The following MSH3 variants were observed in gnomAD, a reference collection of about 807,000 sequenced individuals.
MSH3 encodes the protein DNA mismatch repair protein Msh3.
A neutral mutation model predicts 123.3 loss-of-function variants in MSH3; 106 were observed. That is an observed-to-expected ratio of 0.86 (90% CI 0.73 to 1.01). The LOEUF (loss-of-function observed/expected upper bound fraction) is 1.01. Ranked by LOEUF, MSH3 falls within the 50% of genes least tolerant of loss-of-function variation. The pLI is 0.00. For synonymous variants in MSH3, 515 were observed against 481.4 expected, an observed-to-expected ratio of 1.07 and a Z score of -0.91; for missense variants, 1,459 against 1,347.6, an observed-to-expected ratio of 1.08 and a Z score of -1.29.
rs1580546641 is a variant in MSH3 at position 80,665,232 on chromosome 5, A to G, written c.448A>G (p.Arg150Gly). Residue 150 changes from arginine (R) to glycine (G), a missense_variant, in exon 3 of 24, where the codon AGA (arginine) becomes GGA (glycine). Coordinates refer to ENST00000265081, the MANE Select transcript of MSH3 (RefSeq NM_002439.5). ...CTGCGATTCTGCCCTTCCTCAAAGT[A>G]GAGTCCAGACAGAATCTCTGCAGGA... ...FCCDSALPQS[R>G]VQTESLQERF... The G allele has an allele frequency of 1.9e-6, 3 of 1,614,146 alleles. No homozygotes were observed. The highest frequency in any genetic ancestry group is 2.2e-5 in the East Asian group (1 of 44,878).
At chr5:80,748,159 A>G (rs1481037840) in intron 12 of MSH3, among the ~76,000 whole-genome samples, 2 of 152,166 alleles carry the variant, frequency 1.3e-5, no homozygotes, top group Non-Finnish European at 1.5e-5. Context: ...GTTCTGCAAG[A>G]TCCCATTGTT....
At chr5:80,661,559 A>T (rs1749434649) in intron 2 of MSH3, among the ~76,000 whole-genome samples, 1 of 140,302 alleles carries the variant, frequency 7.1e-6, no homozygotes, top group Non-Finnish European at 1.6e-5. Flanking sequence ...GCTAAAAAAA[A>T]TTCCTTTTGC....
At chr5:80,710,155 A>T (rs1012271082) in intron 8 of MSH3, among the ~76,000 whole-genome samples, 3 of 152,190 alleles carry the variant, frequency 2.0e-5, no homozygotes, top group Non-Finnish European at 2.9e-5. Flanking sequence ...ATCCTCATAA[A>T]CACCCTTGTG....
chr5:80,736,922 A>G (rs1252756306), intron 10 of MSH3, among the ~76,000 whole-genome samples: 1 of 152,132 alleles, frequency 6.6e-6, no homozygotes, highest in Non-Finnish European at 1.5e-5. Context: ...CTTTCACTGT[A>G]GTAAGTCATA....
intron 15 of MSH3, among the ~76,000 whole-genome samples, chr5:80,774,006 A>G (rs187694123): frequency 1.3e-5 from 2 of 152,142 alleles, no homozygotes; most frequent in African/African-American, 4.8e-5. Flanking sequence ...GACCTCAGGT[A>G]ATCTGTCCGC....
At chr5:80,869,785 TACATATATAC>T (rs1326006559) in intron 22 of MSH3, among the ~76,000 whole-genome samples, 2 of 139,666 alleles carry the variant, frequency 1.4e-5, no homozygotes, top group African/African-American at 5.5e-5. Context: ...TATATATGTA[TACATATATAC>T]ATATATATAC....
chr5:80,851,950 C>T (rs759666381), intron 20 of MSH3, among the ~76,000 whole-genome samples: 1 of 152,134 alleles, frequency 6.6e-6, no homozygotes, highest in Non-Finnish European at 1.5e-5. Flanking sequence ...TCTTACAATT[C>T]TTGACATTTC....
intron 20 of MSH3, among the ~76,000 whole-genome samples, chr5:80,841,779 A>G (rs1410354288): frequency 6.6e-6 from 1 of 151,912 alleles, no homozygotes; most frequent in African/African-American, 2.4e-5. Context: ...AAATTTGTTT[A>G]AGTTCTTTGT....
intron 10 of MSH3, among the ~76,000 whole-genome samples, chr5:80,740,970 C>T (rs1036089724): frequency 6.6e-6 from 1 of 152,116 alleles, no homozygotes; most frequent in Non-Finnish European, 1.5e-5. Flanking sequence ...CCTGCCTCAG[C>T]CTCCCAAAGT....
intron 20 of MSH3, among the ~76,000 whole-genome samples, chr5:80,844,621 T>A (rs1745686607): frequency 6.6e-6 from 1 of 152,210 alleles, no homozygotes; most frequent in Non-Finnish European, 1.5e-5. Context: ...AGTTAAGTCT[T>A]CCTGTTGAAT....
intron 11 of MSH3, among the ~76,000 whole-genome samples, chr5:80,744,305 A>G (rs1013485486): frequency 2.4e-4 from 36 of 152,228 alleles, no homozygotes; most frequent in African/African-American, 8.7e-4. Context: ...GTAACCAAAA[A>G]CTATAAACGA....
chr5:80,842,879 A>T (rs948796122), intron 20 of MSH3, among the ~76,000 whole-genome samples: 1 of 152,110 alleles, frequency 6.6e-6, no homozygotes, highest in South Asian at 2.1e-4. Context: ...CTCTTTTCCT[A>T]ACTGAATACC....
chr5:80,691,212 A>G (rs1561443997), intron 8 of MSH3, among the ~76,000 whole-genome samples: 1 of 152,070 alleles, frequency 6.6e-6, no homozygotes, highest in Non-Finnish European at 1.5e-5. Flanking sequence ...TCTAGAAGTG[A>G]CAAATTATCA....
chr5:80,763,646 G>T (rs767889596), intron 13 of MSH3, among the ~76,000 whole-genome samples: 1 of 152,194 alleles, frequency 6.6e-6, no homozygotes, highest in Non-Finnish European at 1.5e-5. Flanking sequence ...GAAAACAGAA[G>T]CAAAGCTGAA....
chr5:80,670,108 T>G lies in MSH3; in HGVS notation c.591T>G (p.Leu197=), dbSNP rs1028335967. ...KRQINQKDTT[L]FDLSQFGSSN... ...CTTTTGGTTGCCAGGACACAACACT[T>G]TTTGATCTCAGTCAGTTTGGATCAT... Residue 197 remains leucine, a synonymous_variant, in exon 4 of 24, where the codon CTT becomes CTG. Transcript: ENST00000265081. 2 of 1,614,124 alleles carry G rather than the reference T, an allele frequency of 1.2e-6. No individual in the cohort carries two copies. Among genetic ancestry groups the G allele is most frequent in the African/African-American group, 2.7e-5 (2 of 75,054 alleles).
chr5:80,812,330 C>A (rs1350718941), intron 19 of MSH3, among the ~76,000 whole-genome samples: 1 of 152,104 alleles, frequency 6.6e-6, no homozygotes, highest in Non-Finnish European at 1.5e-5. Context: ...TTTTGTCTAT[C>A]TTTTCTTCCT....
intron 21 of MSH3, among the ~76,000 whole-genome samples, chr5:80,864,269 A>C (rs1488123686): frequency 6.6e-6 from 1 of 152,208 alleles, no homozygotes; most frequent in Middle Eastern, 3.2e-3. Flanking sequence ...GTTTGGAGGA[A>C]ATAGCAAAGT....
intron 10 of MSH3, among the ~76,000 whole-genome samples, chr5:80,732,211 T>G (rs1561459158): frequency 6.6e-6 from 1 of 152,154 alleles, no homozygotes; most frequent in Non-Finnish European, 1.5e-5. Context: ...ATGCCTAAAT[T>G]TATGAAATTC....
intron 20 of MSH3, among the ~76,000 whole-genome samples, chr5:80,834,535 A>G (rs1745475688): frequency 6.7e-6 from 1 of 148,986 alleles, no homozygotes; most frequent in African/African-American, 2.4e-5. Flanking sequence ...ATCCTCCTGT[A>G]ATAGAAATAA....
Sources: allele counts gnomAD v4.1 joint callset (sites outside exome capture counted in the v4.1 genomes callset), GRCh38; gene constraint gnomAD v4.1.1; transcripts MANE v1.5; gene names NCBI Gene and HGNC (gene_info 2026-07-23, HGNC 2026-07-21).